Variants in KRI1 observed in about 807,000 individuals in gnomAD.
The protein encoded by KRI1 is protein KRI1 homolog.
Under a neutral mutation model 97.0 loss-of-function variants are expected in KRI1, and 83 were observed. That is an observed-to-expected ratio of 0.86 (90% CI 0.72 to 1.03). The LOEUF (loss-of-function observed/expected upper bound fraction) is 1.03. Among genes scored for constraint, KRI1 ranks in the 50% least tolerant of loss-of-function variants. KRI1 has a pLI of 0.00. For missense variants in KRI1, 916 were observed against 928.4 expected, an observed-to-expected ratio of 0.99 and a Z score of 0.17; for synonymous variants, 371 against 363.5, an observed-to-expected ratio of 1.02 and a Z score of -0.23.
At position 10,553,768 on chromosome 19, in the gene KRI1, G is replaced by A. The variant is rs944157569; in HGVS notation, c.*183C>T. ...GATGGAGTCTCGCTAAGTTGCCCAC[G>A]CTGGTCTCCAATTCCTGGGCTCAAG... On this transcript the variant is annotated 3_prime_UTR_variant, in exon 19 of 19. Transcript: ENST00000312962. The A allele has an allele frequency of 5.2e-6, 3 of 578,466 alleles. No individual in the cohort carries two copies. Among genetic ancestry groups the A allele is most frequent in the Non-Finnish European group, 8.9e-6 (3 of 336,026 alleles). 35.8% of individuals were successfully genotyped at this position (578,466 alleles called of 1,614,324 possible).
chr19:10,555,246 C>CCGCAGCGCACCTGGCTCCG (rs769496306), intron 17 of KRI1, 39 bp downstream of exon 17: 51 of 1,613,354 alleles, frequency 3.2e-5, no homozygotes, highest in African/African-American at 1.2e-4. Context: ...CCCGCCCTGC[C>CCGCAGCGCACCTGGCTCCG]CCCTGCGCAT....
At chr19:10,558,129 C>A in intron 13 of KRI1, 35 bp downstream of exon 13, 1 of 1,613,566 alleles carries the variant, frequency 6.2e-7, no homozygotes, top group South Asian at 1.1e-5. Flanking sequence ...GTCCCCAGTC[C>A]CCAATCCCCA....
intron 3 of KRI1, among the ~76,000 whole-genome samples, chr19:10,564,571 CT>C (rs1339258634): frequency 6.6e-6 from 1 of 152,104 alleles, no homozygotes; most frequent in Non-Finnish European, 1.5e-5. Context: ...GGATTAGATG[CT>C]TGAACCACCT....
rs1179270024 is a variant in KRI1, at chr19:10,553,542, G to A, written c.*409C>T. On this transcript the variant is annotated 3_prime_UTR_variant, in exon 19 of 19. Coordinates refer to ENST00000312962, the MANE Select transcript of KRI1 (RefSeq NM_023008.5). ...AGTTTCCACATCCATAAAATGGGACGACTTCCTTACCCACAGCTACACGTG... is the reference window on the plus strand; with the variant it reads ...AGTTTCCACATCCATAAAATGGGACAACTTCCTTACCCACAGCTACACGTG... 2.7e-5 allele frequency: 5 copies of A among 182,860 alleles called. No homozygotes were observed. Among genetic ancestry groups the A allele is most frequent in the African/African-American group, 4.7e-5 (2 of 42,254 alleles). The allele number at this position is 182,860 out of a possible 1,614,324, so 11.3% of individuals were successfully genotyped here. A position where few individuals can be genotyped will look rare whatever the true frequency, so the allele number is the denominator to read the frequency against.
intron 4 of KRI1, 54 bp downstream of exon 4, chr19:10,562,675 A>G (rs552786572): frequency 1.8e-6 from 2 of 1,085,212 alleles, no homozygotes; most frequent in Admixed American, 1.7e-5. Flanking sequence ...TAAGACCCCC[A>G]TAGACCTGAC....
At chr19:10,561,583 C>A (rs942695604) in intron 6 of KRI1, 84 bp downstream of exon 6, 2 of 1,298,206 alleles carry the variant, frequency 1.5e-6, no homozygotes, top group Non-Finnish European at 2.2e-6. Context: ...TAGAAAGTGA[C>A]AGAGCTCAAT....
chr19:10,557,527 G>A lies in KRI1; in HGVS notation c.1617+25C>T, dbSNP rs756205930. 19 of 1,608,932 alleles carry A rather than the reference G, an allele frequency of 1.2e-5. No individual in the cohort carries two copies. The South Asian group carries it at 2.0e-4, about 17-fold the overall frequency. On this transcript the variant is annotated intron_variant, in intron 16 of 18. Coordinates refer to ENST00000312962, the MANE Select transcript of KRI1 (RefSeq NM_023008.5). ...CGGCATACCTGGTGCCCCCTGCAGT[G>A]TCCCTGCCTGCCCGGGGCCCCTACC...
rs1241030572 is a variant in KRI1 at position 10,565,929 on chromosome 19, C to G, written c.71G>C (p.Arg24Pro). The G allele has an allele frequency of 1.3e-6, 2 of 1,534,676 alleles. No homozygotes were observed. Among genetic ancestry groups the G allele is most frequent in the Non-Finnish European group, 8.8e-7 (1 of 1,141,248 alleles). Residue 24 changes from arginine to proline, a missense_variant, in exon 1 of 19, where the codon CGG becomes CCG. Arg to Pro is a moderately radical substitution (Grantham distance 103). This residue lies in a region of KRI1 where 173 missense variants were observed against 153.1 expected (regional missense o/e 1.13). Transcript: ENST00000312962. Reference sequence around the variant, plus strand: ...ACGCCGCTGCAGTTCCTCGCGCTCCCGGTAGCGGTTGTACCGCGCGGCAAA... The same window carrying G: ...ACGCCGCTGCAGTTCCTCGCGCTCCGGGTAGCGGTTGTACCGCGCGGCAAA... ...AAFAARYNRY[R>P]EREELQRLKD...
rs768559330 is a variant in KRI1, at chr19:10,565,039, G to A, written c.169-5C>T. ...CTCCTGCTGGGGATCAAATTCCTAG[G>A]GCAGGAAAAGGGTTGGGGATAGATT... is the stretch of plus-strand genomic sequence containing the variant. On this transcript the variant is annotated splice_polypyrimidine_tract_variant and splice_region_variant and intron_variant, in intron 2 of 18. Transcript: ENST00000312962. The A allele has an allele frequency of 7.0e-6, 11 of 1,581,432 alleles. No individual in the cohort carries two copies. Among genetic ancestry groups the A allele is most frequent in the South Asian group, 1.1e-5 (1 of 90,396 alleles).
rs369925543 is a variant in KRI1 at position 10,558,283 on chromosome 19, T to C, written c.1195-44A>G. The C allele has an allele frequency of 1.1e-4, 180 of 1,588,702 alleles. 1 individual carries two copies. The highest frequency in any genetic ancestry group is 4.7e-4 in the South Asian group (43 of 90,532). On this transcript the variant is annotated intron_variant, in intron 12 of 18. Coordinates refer to ENST00000312962, the MANE Select transcript of KRI1 (RefSeq NM_023008.5). ...CGGTTACCAGAGCCCACTCGAGACA[T>C]AGGAGCTGAGCCCCCTACGATGCCG...
chr19:10,554,050 G>T lies in KRI1; in HGVS notation c.2013C>A (p.Arg671=). Reference sequence around the variant, plus strand: ...TGAGGCCAAAGGCCTGCAGTCTCTGGCGGCTGAACTCGCATCCACCAAGCA... The same window carrying T: ...TGAGGCCAAAGGCCTGCAGTCTCTGTCGGCTGAACTCGCATCCACCAAGCA... ...TVMLGGCEFS[R]QRLQAFGLNP... Residue 671 remains arginine (R), a synonymous_variant, in exon 19 of 19, where the codon CGC becomes CGA. Coordinates refer to ENST00000312962, the MANE Select transcript of KRI1 (RefSeq NM_023008.5). 1 of 1,614,192 alleles carries T rather than the reference G, an allele frequency of 6.2e-7. No individual in the cohort carries two copies. The highest frequency in any genetic ancestry group is 8.5e-7 in the Non-Finnish European group (1 of 1,180,042).
At chr19:10,558,482 T>C (rs562068751) in intron 12 of KRI1, among the ~76,000 whole-genome samples, 2 of 151,694 alleles carry the variant, frequency 1.3e-5, no homozygotes, top group South Asian at 2.1e-4. Context: ...CCACAGTTCT[T>C]CGCCGTCCTA....
At position 10,553,992 on chromosome 19, in the gene KRI1, G is replaced by A. The variant is rs145517989; in HGVS notation, c.2071C>T (p.Arg691Trp). 47 of 1,612,180 alleles carry A rather than the reference G, an allele frequency of 2.9e-5. No individual in the cohort carries two copies. The highest frequency in any genetic ancestry group is 1.6e-4 in the Middle Eastern group (1 of 6,068). ...GGCCCCTGTTGTTTCCTCCGCTGCCGGCCCAGCTGGCGGAAGTGCAGCCGT... is the reference window on the plus strand; with the variant it reads ...GGCCCCTGTTGTTTCCTCCGCTGCCAGCCCAGCTGGCGGAAGTGCAGCCGT... ...PKRLHFRQLGRQRRKQQGPKN... is the reference protein window; with the variant it reads ...PKRLHFRQLGWQRRKQQGPKN... The change falls in exon 19 of 19, where the codon CGG (arginine) becomes TGG (tryptophan). Residue 691 changes from arginine (R) to tryptophan (W), a missense_variant. By Grantham distance (101) the Arg-to-Trp change is moderately radical. This residue lies in a region of KRI1 where 672 missense variants were observed against 667.2 expected (regional missense o/e 1.01). Coordinates refer to ENST00000312962, the MANE Select transcript of KRI1 (RefSeq NM_023008.5).
rs1041136996 is a variant in KRI1 at position 10,565,206 on chromosome 19, G to A, written c.169-172C>T. 2.8e-5 allele frequency: 18 copies of A among 638,578 alleles called. No individual in the cohort carries two copies. The African/African-American group carries it at 3.1e-4, about 11-fold the overall frequency. 39.6% of individuals were successfully genotyped at this position (638,578 alleles called of 1,614,324 possible). A position where few individuals can be genotyped will look rare whatever the true frequency, so the allele number is the denominator to read the frequency against. On this transcript the variant is annotated intron_variant, in intron 2 of 18. Transcript: ENST00000312962. ...AGAGGGGCCCTCTTGGGGTGGGCAG[G>A]GGCAGGCCACAGGTAGGTACAGGAT... is the stretch of plus-strand genomic sequence containing the variant.
chr19:10,558,058 CG>C lies in KRI1; in HGVS notation c.1272del (p.Asp424GlufsTer49). The part of the protein sequence containing the change: ...PQFEEEEGLE[D>X]DWNWDTWDGP... The stretch of plus-strand genomic sequence containing the variant: ...CCGTCCCACGTGTCCCAGTTCCAGT[CG>C]TCTGGATGCAGGGAGAACAGACAGG... On this transcript the variant is annotated frameshift_variant and splice_region_variant, in exon 14 of 19. Transcript: ENST00000312962. LOFTEE classifies it high-confidence loss of function. The C allele has an allele frequency of 6.2e-7, 1 of 1,614,062 alleles. No individual in the cohort carries two copies. Among genetic ancestry groups the C allele is most frequent in the Non-Finnish European group, 8.5e-7 (1 of 1,180,018 alleles).
At position 10,565,725 on chromosome 19, in the gene KRI1, C is replaced by T; in HGVS notation, c.160G>A (p.Glu54Lys). 1 of 1,568,618 alleles carries T rather than the reference C, an allele frequency of 6.4e-7. No individual in the cohort carries two copies. Among genetic ancestry groups the T allele is most frequent in the East Asian group, 2.4e-5 (1 of 41,542 alleles). ...DSSSESDSSD[E>K]RVEFDPQQER... ...GGGGCGGGGACGCGCACCACGCGCT[C>T]GTCGCTTGAGTCCGACTCGGAGCTG... The change falls in exon 2 of 19, where the codon GAG (glutamate) becomes AAG (lysine). Residue 54 changes from glutamate to lysine, a missense_variant. This residue lies in a region of KRI1 where 173 missense variants were observed against 153.1 expected (regional missense o/e 1.13). Transcript: ENST00000312962.
chr19:10,557,525 G>C, intron 16 of KRI1, 27 bp downstream of exon 16: 1 of 1,607,094 alleles, frequency 6.2e-7, no homozygotes, highest in Non-Finnish European at 8.5e-7. Context: ...GCCCCCTGCA[G>C]TGTCCCTGCC....
At chr19:10,563,862 C>T (rs935266349) in intron 3 of KRI1, among the ~76,000 whole-genome samples, 10 of 151,952 alleles carry the variant, frequency 6.6e-5, no homozygotes, top group Non-Finnish European at 1.0e-4. Context: ...GGGGTCTTGC[C>T]GCCAGGCACA....
chr19:10,554,872 G>A (rs574155025), intron 18 of KRI1, among the ~76,000 whole-genome samples: 67 of 152,098 alleles, frequency 4.4e-4, no homozygotes, highest in African/African-American at 1.5e-3. Flanking sequence ...AGGCAGAACC[G>A]TCTCTATCTC....
Sources: gnomAD v4.1 joint callset for allele counts (sites outside exome capture counted in the v4.1 genomes callset) on GRCh38, gnomAD v4.1.1 for gene constraint, gnomAD v4.1.1 regional missense constraint, MANE v1.5 for transcripts, NCBI Gene and HGNC (gene_info 2026-07-23, HGNC 2026-07-21) for gene names.